RBPJ: variants seen among roughly 807,000 people sequenced by gnomAD.
RBPJ encodes recombining binding protein suppressor of hairless.
A neutral mutation model predicts 67.8 loss-of-function variants in RBPJ; 9 were observed. The ratio of observed to expected loss-of-function variants is 0.13; its 90% CI spans 0.08 to 0.23. RBPJ has a LOEUF of 0.23. RBPJ is among the 10% of genes least tolerant of loss of function. The probability of loss-of-function intolerance (pLI) is 1.00; values close to 1 mark genes in which losing one functional copy is unlikely to be tolerated. For synonymous variants in RBPJ, 198 were observed against 203.3 expected (o/e 0.97, Z 0.22); for missense variants, 305 against 595.6 (o/e 0.51, Z 5.08).
chr4:26,244,791 C>A (rs897147845), intron 1 of RBPJ, among the ~76,000 whole-genome samples: 35 of 151,904 alleles, frequency 2.3e-4, no homozygotes, highest in African/African-American at 8.0e-4. Context: ...CAGGCCCACA[C>A]ACCCGGCTAA....
chr4:26,302,534 C>T (rs1375668110), intron 1 of RBPJ, among the ~76,000 whole-genome samples: 1 of 152,130 alleles, frequency 6.6e-6, no homozygotes, highest in Non-Finnish European at 1.5e-5. Context: ...TTCAAGTCTC[C>T]CCAGCGTTGG....
intron 1 of RBPJ, among the ~76,000 whole-genome samples, chr4:26,294,833 G>A (rs371707723): frequency 3.3e-5 from 5 of 151,122 alleles, no homozygotes; most frequent in African/African-American, 9.7e-5. Context: ...CTGAGATCGC[G>A]CCATTGCACT....
chr4:26,135,205 C>T, the RBPJ span, among the ~76,000 whole-genome samples: 1 of 152,276 alleles, frequency 6.6e-6, no homozygotes, highest in Admixed American at 6.5e-5. Context: ...CATCTCTCTC[C>T]ATTACTAAAG....
intron 2 of RBPJ, among the ~76,000 whole-genome samples, chr4:26,398,476 G>C (rs976669718): frequency 6.6e-6 from 1 of 152,164 alleles, no homozygotes; most frequent in African/African-American, 2.4e-5. Flanking sequence ...TCAGAACTCC[G>C]TTTTAAGGAG....
the RBPJ span, among the ~76,000 whole-genome samples, chr4:26,153,834 G>A: frequency 6.6e-6 from 1 of 152,186 alleles, no homozygotes; most frequent in Admixed American, 6.5e-5. Flanking sequence ...TTCCACCTGT[G>A]CATCGTGTGA....
intron 1 of RBPJ, among the ~76,000 whole-genome samples, chr4:26,351,866 G>T (rs1726840782): frequency 2.0e-5 from 3 of 152,288 alleles, no homozygotes; most frequent in African/African-American, 2.4e-5. Flanking sequence ...TTTCATACAG[G>T]TTATGCAGTA....
At chr4:26,315,297 GAA>G (rs951349520), upstream of RBPJ, among the ~76,000 whole-genome samples, 18 of 150,270 alleles carry the variant, frequency 1.2e-4, no homozygotes, top group Non-Finnish European at 2.5e-4. Flanking sequence ...GAAATAAAGA[GAA>G]AGAGTACAAA....
At chr4:26,299,739 C>T (rs1221490734) in intron 1 of RBPJ, among the ~76,000 whole-genome samples, 4 of 130,850 alleles carry the variant, frequency 3.1e-5, no homozygotes, top group South Asian at 2.4e-4. Flanking sequence ...AGTGAAATGG[C>T]GAGATCCTGG....
intron 1 of RBPJ, among the ~76,000 whole-genome samples, chr4:26,299,076 A>G (rs1721982577): frequency 6.6e-6 from 1 of 152,218 alleles, no homozygotes; most frequent in Non-Finnish European, 1.5e-5. Context: ...GAACTCCAAA[A>G]AAGGAATGTA....
the RBPJ span, among the ~76,000 whole-genome samples, chr4:26,143,380 C>T: frequency 6.6e-6 from 1 of 152,222 alleles, no homozygotes; most frequent in Admixed American, 6.5e-5. Context: ...ACCCTCATCT[C>T]GCAAAGCGTA....
upstream of RBPJ, chr4:26,319,990 G>T: frequency 9.8e-7 from 1 of 1,022,288 alleles, no homozygotes; most frequent in Non-Finnish European, 1.4e-6. Context: ...CCTGAAGCGC[G>T]ATTCGGGCAG....
chr4:26,194,073 C>T (rs143480479), intron 1 of RBPJ, among the ~76,000 whole-genome samples: 123 of 152,340 alleles, frequency 8.1e-4, no homozygotes, highest in Non-Finnish European at 1.4e-3. Flanking sequence ...CCCAGTGTCA[C>T]CTGCAAAGAC....
At chr4:26,282,689 T>G (rs1381882361) in intron 1 of RBPJ, among the ~76,000 whole-genome samples, 1 of 151,702 alleles carries the variant, frequency 6.6e-6, no homozygotes, top group East Asian at 1.9e-4. Context: ...CCTGGCTAAT[T>G]TTTGTATTTT....
chr4:26,118,000 C>A, the RBPJ span, among the ~76,000 whole-genome samples: 1 of 151,874 alleles, frequency 6.6e-6, no homozygotes, highest in East Asian at 1.9e-4. Context: ...GATATATTAT[C>A]CATATATATC....
chr4:26,429,016 T>C (rs2109835851), intron 8 of RBPJ, among the ~76,000 whole-genome samples, 156 bp downstream of exon 8: 1 of 152,250 alleles, frequency 6.6e-6, no homozygotes, highest in East Asian at 1.9e-4. Flanking sequence ...TAACACACAA[T>C]CCTCAGACAT....
chr4:26,274,109 C>A (rs1721005499), intron 1 of RBPJ, among the ~76,000 whole-genome samples: 1 of 152,206 alleles, frequency 6.6e-6, no homozygotes, highest in Admixed American at 6.5e-5. Context: ...ACACTTCTCA[C>A]CTCCTAAAAT....
the RBPJ span, among the ~76,000 whole-genome samples, chr4:26,144,766 C>CGG: frequency 6.6e-6 from 1 of 152,206 alleles, no homozygotes; most frequent in Admixed American, 6.5e-5. Flanking sequence ...TCTAGTCCCA[C>CGG]ATGCAATGCA....
chr4:26,418,447 T>C (rs1175133279), intron 4 of RBPJ, among the ~76,000 whole-genome samples: 1 of 152,218 alleles, frequency 6.6e-6, no homozygotes, highest in Non-Finnish European at 1.5e-5. Context: ...ATGATTTTTG[T>C]GGATTCAAAC....
intron 5 of RBPJ, among the ~76,000 whole-genome samples, chr4:26,423,937 A>G (rs1003056136): frequency 6.6e-6 from 1 of 152,198 alleles, no homozygotes; most frequent in African/African-American, 2.4e-5. Flanking sequence ...CATACAGAGT[A>G]TTTTATAGTC....
Sources: gnomAD v4.1 joint callset for allele counts (sites outside exome capture counted in the v4.1 genomes callset) on GRCh38, gnomAD v4.1.1 for gene constraint, MANE v1.5 for transcripts, NCBI Gene and HGNC (gene_info 2026-07-23, HGNC 2026-07-21) for gene names.